Variants in LRRC69 observed in about 807,000 individuals in gnomAD.
LRRC69 encodes leucine rich repeat containing 69.
Under a neutral mutation model 37.8 loss-of-function variants are expected in LRRC69, and 42 were observed. The observed-to-expected ratio is 1.11, with a 90% CI of 0.87 to 1.44. LRRC69 has a LOEUF of 1.44. LRRC69 is among the 40% of genes most tolerant of loss of function. LRRC69 has a pLI of 0.00. For synonymous variants in LRRC69, 141 were observed against 143.1 expected, an observed-to-expected ratio of 0.99 and a Z score of 0.11; for missense variants, 357 against 401.9, an observed-to-expected ratio of 0.89 and a Z score of 0.96.
chr8:91,113,218 T>A (rs939282298), intron 1 of LRRC69, among the ~76,000 whole-genome samples: 1 of 151,978 alleles, frequency 6.6e-6, no homozygotes, highest in Non-Finnish European at 1.5e-5. Context: ...AAAACAATTT[T>A]AAAATGCATA....
chr8:91,166,492 G>GAAAAAAAAAAAA (rs66705016), intron 5 of LRRC69, among the ~76,000 whole-genome samples: 79 of 95,180 alleles, frequency 8.3e-4, no homozygotes, highest in Admixed American at 1.2e-3. Flanking sequence ...AAAATAAACT[G>GAAAAAAAAAAAA]AAAAAAAAAA....
At chr8:91,176,184 G>T (rs1809226449) in intron 5 of LRRC69, among the ~76,000 whole-genome samples, 1 of 142,066 alleles carries the variant, frequency 7.0e-6, no homozygotes, top group African/African-American at 2.6e-5. Context: ...CACCAGGCTG[G>T]AGTGCAGTGG....
chr8:91,109,095 G>A (rs1813368402), intron 1 of LRRC69, among the ~76,000 whole-genome samples: 1 of 151,988 alleles, frequency 6.6e-6, no homozygotes, highest in Non-Finnish European at 1.5e-5. Flanking sequence ...TCAAAACAGG[G>A]ATTCATTATC....
intron 6 of LRRC69, among the ~76,000 whole-genome samples, chr8:91,192,770 C>A (rs890087330): frequency 1.3e-5 from 2 of 150,802 alleles, no homozygotes; most frequent in Non-Finnish European, 3.0e-5. Flanking sequence ...GAGTAGGTTG[C>A]AAAAATTTTC....
intron 3 of LRRC69, among the ~76,000 whole-genome samples, chr8:91,128,103 C>G (rs1813751096): frequency 6.6e-6 from 1 of 151,812 alleles, no homozygotes; most frequent in Non-Finnish European, 1.5e-5. Flanking sequence ...TTCAGCTTAT[C>G]AATCGATGTA....
chr8:91,116,202 A>G (rs1338458843), intron 1 of LRRC69, among the ~76,000 whole-genome samples: 1 of 152,024 alleles, frequency 6.6e-6, no homozygotes, highest in Non-Finnish European at 1.5e-5. Flanking sequence ...TTTACCCCAC[A>G]GTATTTTCCT....
At chr8:91,194,354 G>C (rs1344721340) in intron 6 of LRRC69, among the ~76,000 whole-genome samples, 1 of 151,214 alleles carries the variant, frequency 6.6e-6, no homozygotes, top group African/African-American at 2.5e-5. Context: ...GAATGATGCT[G>C]GCCTCATAAA....
chr8:91,152,231 G>T (rs10094031), intron 5 of LRRC69, among the ~76,000 whole-genome samples: 2 of 151,466 alleles, frequency 1.3e-5, no homozygotes, highest in African/African-American at 4.8e-5. Flanking sequence ...GAGTAGTATT[G>T]CCTGCGTTTT....
At chr8:91,109,508 T>C (rs1813375235) in intron 1 of LRRC69, among the ~76,000 whole-genome samples, 1 of 152,134 alleles carries the variant, frequency 6.6e-6, no homozygotes, top group Admixed American at 6.5e-5. Context: ...GTCATTTTAA[T>C]TGAATGTTAA....
chr8:91,127,695 C>A (rs1813744772), intron 3 of LRRC69, among the ~76,000 whole-genome samples: 10 of 150,012 alleles, frequency 6.7e-5, no homozygotes, highest in Admixed American at 6.6e-4. Flanking sequence ...AGCTGAGAGC[C>A]TTGTCCTTCT....
intron 1 of LRRC69, among the ~76,000 whole-genome samples, chr8:91,122,240 C>T (rs1813637942): frequency 6.6e-6 from 1 of 152,000 alleles, no homozygotes; most frequent in African/African-American, 2.4e-5. Context: ...CACCATGAGT[C>T]TCACACTTCT....
chr8:91,211,822 A>G (rs918586128), intron 7 of LRRC69, among the ~76,000 whole-genome samples: 2 of 151,908 alleles, frequency 1.3e-5, no homozygotes, highest in African/African-American at 4.8e-5. Context: ...TGGGGTTTAC[A>G]CTCAAAGGAG....
In LRRC69 at chr8:91,139,537, A is replaced by G. The variant is rs543428167; in HGVS notation, c.651+3798A>G. On this transcript the variant is annotated intron_variant, in intron 5 of 7. Transcript: ENST00000448384. ...TGATCCGCCCACTTCGGCCCTCTCA[A>G]AGTGCTAGGATTACAGGCGTATGTA... 1.9e-3 allele frequency among the ~76,000 whole-genome samples: 283 copies of G among 150,804 alleles called. 5 individuals are homozygous for G. The highest frequency in any genetic ancestry group is 0.017 in the East Asian group (81 of 4,764).
At chr8:91,166,686 G>A (rs376834208) in intron 5 of LRRC69, among the ~76,000 whole-genome samples, 3 of 151,668 alleles carry the variant, frequency 2.0e-5, no homozygotes, top group Non-Finnish European at 4.4e-5. Context: ...GGCACTTTAC[G>A]AAATTGTTTT....
intron 6 of LRRC69, among the ~76,000 whole-genome samples, chr8:91,191,796 G>A (rs887079577): frequency 2.0e-5 from 3 of 152,032 alleles, no homozygotes; most frequent in Admixed American, 2.0e-4. Flanking sequence ...GAGAGAAATT[G>A]TTCTAATTTT....
At chr8:91,185,003 G>C (rs1291551670) in intron 5 of LRRC69, among the ~76,000 whole-genome samples, 1 of 152,146 alleles carries the variant, frequency 6.6e-6, no homozygotes, top group Non-Finnish European at 1.5e-5. Flanking sequence ...GGGGAGTGAA[G>C]TGGTATGATT....
intron 1 of LRRC69, among the ~76,000 whole-genome samples, chr8:91,120,686 A>T (rs1236590045): frequency 6.6e-6 from 1 of 152,122 alleles, no homozygotes; most frequent in Non-Finnish European, 1.5e-5. Context: ...GGATAAATTC[A>T]TGGTAGCTGC....
At position 91,140,920 on chromosome 8, in the gene LRRC69, TGGG is replaced by T. The variant is rs1808521134; in HGVS notation, c.651+5182_651+5184del. Among the ~76,000 whole-genome samples the T allele has an allele frequency of 4.6e-4, 8 of 17,252 alleles. 1 individual carries two copies. Among genetic ancestry groups the T allele is most frequent in the African/African-American group, 9.1e-4 (3 of 3,302 alleles). 11.3% of individuals were successfully genotyped at this position (17,252 alleles called of 152,430 possible). The stretch of plus-strand genomic sequence containing the variant: ...CGCCCGCCTCGGCCTCCCAAAGTGC[TGGG>T]ATTACAGGCGTGAGCCACCGCGCCC... On this transcript the variant is annotated intron_variant, in intron 5 of 7. Transcript: ENST00000448384.
At chr8:91,105,659 CAAAA>C (rs11407238) in intron 1 of LRRC69, among the ~76,000 whole-genome samples, 2 of 110,574 alleles carry the variant, frequency 1.8e-5, no homozygotes, top group Non-Finnish European at 1.8e-5. Context: ...GATTCTGTCT[CAAAA>C]AAAAAAAAAA....
Sources: gnomAD v4.1 joint callset for allele counts (sites outside exome capture counted in the v4.1 genomes callset) on GRCh38, gnomAD v4.1.1 for gene constraint, MANE v1.5 for transcripts, NCBI Gene and HGNC (gene_info 2026-07-23, HGNC 2026-07-21) for gene names.